Variants in PPP2R2B observed in about 807,000 individuals in gnomAD.
PPP2R2B encodes protein phosphatase 2 regulatory subunit Bbeta.
PPP2R2B carries 5 observed loss-of-function variants against 46.0 expected under a neutral mutation model. That is an observed-to-expected ratio of 0.11 (90% CI 0.06 to 0.23). The LOEUF (loss-of-function observed/expected upper bound fraction) is 0.23. Ranked by LOEUF, PPP2R2B falls within the 10% of genes least tolerant of loss-of-function variation. The pLI is 1.00. For missense variants in PPP2R2B, 367 were observed against 575.0 expected (o/e 0.64, Z 3.70); for synonymous variants, 215 against 206.7 (o/e 1.04, Z -0.34).
intron 2 of PPP2R2B, among the ~76,000 whole-genome samples, chr5:146,862,451 A>T (rs766134826): frequency 2.0e-5 from 3 of 152,192 alleles, no homozygotes; most frequent in African/African-American, 4.8e-5. Context: ...CTTGGACCTC[A>T]GTTGCCACAT....
At chr5:146,635,131 A>G (rs577018443) in intron 7 of PPP2R2B, among the ~76,000 whole-genome samples, 1 of 152,312 alleles carries the variant, frequency 6.6e-6, no homozygotes, top group South Asian at 2.1e-4. Context: ...AACCTGCCCT[A>G]TGATGCTGTC....
chr5:147,010,035 G>A (rs957248688), intron 1 of PPP2R2B, among the ~76,000 whole-genome samples: 1 of 152,130 alleles, frequency 6.6e-6, no homozygotes, highest in Non-Finnish European at 1.5e-5. Flanking sequence ...AGAGCAAAGT[G>A]AGGTGTGCGT....
chr5:146,815,873 C>CAAATTTGTTGAAATT (rs1757903214), intron 2 of PPP2R2B, among the ~76,000 whole-genome samples: 1 of 152,196 alleles, frequency 6.6e-6, no homozygotes, highest in Non-Finnish European at 1.5e-5. Flanking sequence ...CTGAAAGCTG[C>CAAATTTGTTGAAATT]TTTGTTGAAA....
At chr5:146,598,693 CA>C (rs1248804562) in intron 8 of PPP2R2B, among the ~76,000 whole-genome samples, 2 of 152,156 alleles carry the variant, frequency 1.3e-5, no homozygotes, top group African/African-American at 4.8e-5. Context: ...TATCCCGCAT[CA>C]AATTTGTCCT....
At chr5:146,717,581 A>G (rs1780565832) in intron 2 of PPP2R2B, among the ~76,000 whole-genome samples, 1 of 152,204 alleles carries the variant, frequency 6.6e-6, no homozygotes, top group Non-Finnish European at 1.5e-5. Context: ...ACTGGCCACA[A>G]TCTCAAATAT....
At chr5:146,594,304 C>A (rs1442315087) in intron 8 of PPP2R2B, among the ~76,000 whole-genome samples, 1 of 152,114 alleles carries the variant, frequency 6.6e-6, no homozygotes, top group Non-Finnish European at 1.5e-5. Flanking sequence ...CTGGAAGGCA[C>A]CAGGGGACAC....
At chr5:146,749,023 A>T (rs1753369661) in intron 2 of PPP2R2B, among the ~76,000 whole-genome samples, 1 of 152,218 alleles carries the variant, frequency 6.6e-6, no homozygotes, top group African/African-American at 2.4e-5. Context: ...GGTACATTTT[A>T]CATTCCTATC....
At chr5:146,823,778 C>G (rs940603870) in intron 2 of PPP2R2B, among the ~76,000 whole-genome samples, 3 of 152,018 alleles carry the variant, frequency 2.0e-5, no homozygotes, top group African/African-American at 4.8e-5. Flanking sequence ...AAATAACAGC[C>G]CTTAGTAGCC....
intron 2 of PPP2R2B, among the ~76,000 whole-genome samples, chr5:146,791,489 T>C (rs1040715603): frequency 6.6e-6 from 1 of 152,004 alleles, no homozygotes; most frequent in Non-Finnish European, 1.5e-5. Context: ...CTGGCAACAG[T>C]GATTGGTTCA....
At chr5:146,684,948 C>A (rs974900707) in intron 5 of PPP2R2B, among the ~76,000 whole-genome samples, 3 of 152,174 alleles carry the variant, frequency 2.0e-5, no homozygotes, top group Non-Finnish European at 2.9e-5. Context: ...GGCACACAGT[C>A]ATTTAAGAAC....
intron 2 of PPP2R2B, among the ~76,000 whole-genome samples, chr5:146,702,125 A>G (rs2151168684): frequency 6.6e-6 from 1 of 152,110 alleles, no homozygotes; most frequent in Non-Finnish European, 1.5e-5. Flanking sequence ...TTCTGAAGAT[A>G]ATGTCTAGGT....
chr5:146,653,845 A>C (rs403151), intron 5 of PPP2R2B, among the ~76,000 whole-genome samples: 3 of 151,884 alleles, frequency 2.0e-5, no homozygotes, highest in Non-Finnish European at 4.4e-5. Flanking sequence ...CAGATAAGAC[A>C]GGGGGGATGG....
chr5:146,859,247 A>G (rs1561965207), intron 2 of PPP2R2B, among the ~76,000 whole-genome samples: 1 of 152,226 alleles, frequency 6.6e-6, no homozygotes, highest in Non-Finnish European at 1.5e-5. Context: ...TGAGCAGAGT[A>G]GATAAGAGCT....
intron 7 of PPP2R2B, among the ~76,000 whole-genome samples, chr5:146,603,392 A>G (rs1771962396): frequency 6.6e-6 from 1 of 152,246 alleles, no homozygotes; most frequent in Non-Finnish European, 1.5e-5. Context: ...AATGTTATAC[A>G]TAGGAATCTG....
At chr5:146,902,523 A>G (rs887335173) in intron 1 of PPP2R2B, among the ~76,000 whole-genome samples, 2 of 152,214 alleles carry the variant, frequency 1.3e-5, no homozygotes, top group Non-Finnish European at 2.9e-5. Flanking sequence ...ATAGATTAAC[A>G]CATTTAATTG....
At chr5:146,730,952 C>T (rs776754569) in intron 2 of PPP2R2B, among the ~76,000 whole-genome samples, 35 of 152,220 alleles carry the variant, frequency 2.3e-4, no homozygotes, top group African/African-American at 5.5e-4. Context: ...AAGAAGAAAC[C>T]GATGAGGCCT....
chr5:146,634,262 T>C (rs1265554799), intron 7 of PPP2R2B, among the ~76,000 whole-genome samples: 2 of 152,092 alleles, frequency 1.3e-5, no homozygotes, highest in East Asian at 3.9e-4. Context: ...AGCTGGAACA[T>C]TGTATTTTTC....
At chr5:146,633,431 A>G (rs1484503389) in intron 7 of PPP2R2B, among the ~76,000 whole-genome samples, 1 of 152,232 alleles carries the variant, frequency 6.6e-6, no homozygotes, top group East Asian at 1.9e-4. Flanking sequence ...GAAAATCAAT[A>G]TGAAATGTCA....
intron 7 of PPP2R2B, among the ~76,000 whole-genome samples, chr5:146,624,802 G>C (rs1773935616): frequency 6.6e-6 from 1 of 152,176 alleles, no homozygotes; most frequent in Non-Finnish European, 1.5e-5. Flanking sequence ...CCTGTATGTA[G>C]CTCTTCCTGC....
Sources: allele counts gnomAD v4.1 joint callset (sites outside exome capture counted in the v4.1 genomes callset), GRCh38; gene constraint gnomAD v4.1.1; transcripts MANE v1.5; gene names NCBI Gene and HGNC (gene_info 2026-07-23, HGNC 2026-07-21).